TJAP1: variants seen among roughly 807,000 people sequenced by gnomAD.
TJAP1 encodes tight junction associated protein 1.
A neutral mutation model predicts 42.0 loss-of-function variants in TJAP1; 27 were observed. That is an observed-to-expected ratio of 0.64 (90% confidence interval 0.47 to 0.89). The LOEUF is 0.89. Ranked by LOEUF, TJAP1 falls within the 40% of genes least tolerant of loss-of-function variation. The pLI, the probability that TJAP1 is intolerant of heterozygous loss-of-function variation, is 0.00. For synonymous variants in TJAP1, 257 were observed against 288.4 expected (o/e 0.89, Z 1.10); for missense variants, 712 against 726.9 (o/e 0.98, Z 0.24).
At chr6:43,487,208 T>C (rs1177362768) in intron 2 of TJAP1, among the ~76,000 whole-genome samples, 1 of 152,176 alleles carries the variant, frequency 6.6e-6, no homozygotes, top group African/African-American at 2.4e-5. Flanking sequence ...GCTTCTGTGC[T>C]GTGGTGGGGA....
At chr6:43,500,872 A>G in intron 5 of TJAP1, 100 bp downstream of exon 5, 2 of 1,438,692 alleles carry the variant, frequency 1.4e-6, no homozygotes, top group South Asian at 2.3e-5. Flanking sequence ...TGGATTAGGT[A>G]GAAATAAAGG....
rs1478004786 is a variant in TJAP1 at position 43,502,416 on chromosome 6, C to T, written c.357+67C>T. 5.1e-6 allele frequency: 8 copies of T among 1,570,184 alleles called. No individual in the cohort carries two copies. The Admixed American group carries it at 1.4e-4, about 28-fold the overall frequency. ...TAGCATAGCAGGGGGCCAGGATTTGCCAGGGGAATGCCACTCTGCCCTGGG... is the reference window on the plus strand; with the variant it reads ...TAGCATAGCAGGGGGCCAGGATTTGTCAGGGGAATGCCACTCTGCCCTGGG... On this transcript the variant is annotated intron_variant, in intron 7 of 10. Coordinates refer to ENST00000372449, the Ensembl canonical transcript of TJAP1.
Position 43,499,102 on chromosome 6 carries a change from TCAG to T in TJAP1, c.99+5_99+7del. The T allele has an allele frequency of 1.2e-6, 2 of 1,612,058 alleles. No individual in the cohort carries two copies. The highest frequency in any genetic ancestry group is 1.7e-6 in the Non-Finnish European group (2 of 1,179,598). On this transcript the variant is annotated splice_donor_5th_base_variant and intron_variant, in intron 4 of 10. Transcript: ENST00000372449. ...CCTGGATCCCGGCTTGAGCAGGAGG[TCAG>T]CAAGACTGGTATCACAGCCTGACCG...
chr6:43,502,538 C>G (rs1004110687), intron 7 of TJAP1, 50 bp from the exon 8 acceptor site: 2 of 1,549,728 alleles, frequency 1.3e-6, no homozygotes, highest in South Asian at 1.2e-5. Flanking sequence ...TCTCTTCTTT[C>G]CTCGTCTCCC....
chr6:43,477,908 A>AT (rs1784545791), intron 1 of TJAP1, among the ~76,000 whole-genome samples, 179 bp from the exon 2 acceptor site: 2 of 151,988 alleles, frequency 1.3e-5, no homozygotes, highest in African/African-American at 4.8e-5. Context: ...TTGGAGGAAA[A>AT]TTTCTTAGCC....
At chr6:43,501,624 G>A in exon 6 of TJAP1, 1 of 1,608,854 alleles carries the variant, frequency 6.2e-7, no homozygotes, top group African/African-American at 1.3e-5. Flanking sequence ...GGGCAGGACT[G>A]CCTGGAGCTG....
chr6:43,481,664 T>C (rs1333038315), intron 2 of TJAP1, among the ~76,000 whole-genome samples: 1 of 151,836 alleles, frequency 6.6e-6, no homozygotes, highest in Admixed American at 6.6e-5. Flanking sequence ...AATGTGCTGC[T>C]GAAGCCTATG....
At chr6:43,494,648 CTTT>C (rs775378416) in intron 2 of TJAP1, among the ~76,000 whole-genome samples, 1 of 114,390 alleles carries the variant, frequency 8.7e-6, no homozygotes, top group Non-Finnish European at 1.7e-5. Flanking sequence ...TGTTGATTTC[CTTT>C]TTTTTTTTTT....
rs563635573 is a variant in TJAP1 at position 43,502,047 on chromosome 6, G to GACACAC, written c.291-211_291-206dup. ...AGTTCTGCAGGTGTGGGAATGCGGG[G>GACACAC]ACACACACACACACACACACACACA... On this transcript the variant is annotated intron_variant, in intron 6 of 10. Coordinates refer to ENST00000372449, the Ensembl canonical transcript of TJAP1. 9.6e-3 allele frequency among the ~76,000 whole-genome samples: 213 copies of GACACAC among 22,250 alleles called. 14 individuals are homozygous for GACACAC. Among genetic ancestry groups the GACACAC allele is most frequent in the Non-Finnish European group, 0.012 (151 of 12,334 alleles). 14.6% of individuals were successfully genotyped at this position (22,250 alleles called of 152,430 possible).
chr6:43,491,359 C>T lies in TJAP1; in HGVS notation c.-121-6522C>T, dbSNP rs899442540. On this transcript the variant is annotated intron_variant, in intron 2 of 10. Coordinates refer to ENST00000372449, the Ensembl canonical transcript of TJAP1. This position sits in a 1 kb window ranked among gnomAD's most constrained non-coding sequence, Gnocchi z 4.6. ...AGGCTGGAGTGCAATGGCACGATCT[C>T]GGCTTTCTGCAACCTCCGCCTCCCA... 1.1e-4 allele frequency among the ~76,000 whole-genome samples: 17 copies of T among 152,108 alleles called. No individual in the cohort carries two copies. Among genetic ancestry groups the T allele is most frequent in the East Asian group, 1.9e-4 (1 of 5,202 alleles).
exon 9 of TJAP1, chr6:43,503,434 G>A: frequency 3.1e-6 from 5 of 1,614,102 alleles, no homozygotes; most frequent in Non-Finnish European, 4.2e-6. Flanking sequence ...GAAGACGCTG[G>A]ACTGGGAGAT....
rs1216922937 is a variant in TJAP1 at position 43,505,029 on chromosome 6, C to T, written c.848C>T (p.Pro283Leu). The T allele has an allele frequency of 1.9e-6, 3 of 1,614,080 alleles. No homozygotes were observed. Among genetic ancestry groups the T allele is most frequent in the Non-Finnish European group, 2.5e-6 (3 of 1,180,028 alleles). The change falls in exon 11 of 11, where the codon CCC (proline) becomes CTC (leucine). Residue 283 changes from proline (P) to leucine (L), a missense_variant. This residue lies in a region of TJAP1 where 549 missense variants were observed against 528.2 expected (regional missense o/e 1.04). Transcript: ENST00000372449. The surrounding 1 kb of genome is among the most constrained non-coding windows in gnomAD (Gnocchi z 5.5). ...GCCAGTCCCCCGGCCCCTGGCAGCC[C>T]CACCCCACAACCCAATGGGGAGTGC...
At chr6:43,506,495 C>CT (rs2127676521) in exon 11 of TJAP1, 1 of 152,858 alleles carries the variant, frequency 6.5e-6, no homozygotes, top group African/African-American at 2.4e-5. Context: ...TACTCTTAAG[C>CT]TTTGAGAAAT....
intron 3 of TJAP1, 180 bp from the exon 4 acceptor site, chr6:43,498,798 T>C (rs995453883): frequency 3.6e-6 from 2 of 556,728 alleles, no homozygotes; most frequent in African/African-American, 3.8e-5. Flanking sequence ...CAGCACTCCT[T>C]TGACCTATGG....
chr6:43,502,076 ACTCTCTCT>A (rs529451483), intron 6 of TJAP1, among the ~76,000 whole-genome samples, 199 bp from the exon 7 acceptor site: 1,103 of 68,928 alleles, frequency 0.016, 23 homozygotes, highest in Non-Finnish European at 0.02. Flanking sequence ...ACACACACAC[ACTCTCTCT>A]CTCTCTCTCT....
At position 43,505,221 on chromosome 6, in the gene TJAP1, T is replaced by C. The variant is rs969176201; in HGVS notation, c.1040T>C (p.Leu347Pro). 4.3e-6 allele frequency: 7 copies of C among 1,614,062 alleles called. No homozygotes were observed. Among genetic ancestry groups the C allele is most frequent in the Admixed American group, 1.7e-5 (1 of 60,016 alleles). ...GTTCGGATCCCCCGCAACAGCCCCC[T>C]GCCCAACTGCACTTACGCTACCCGC... Residue 347 changes from leucine (L) to proline (P), a missense_variant, in exon 11 of 11, where the codon CTG becomes CCG. Physicochemically the swap from Leu to Pro is moderately conservative, Grantham distance 98. This residue lies in a region of TJAP1 where 549 missense variants were observed against 528.2 expected (regional missense o/e 1.04). Coordinates refer to ENST00000372449, the Ensembl canonical transcript of TJAP1. This position sits in a 1 kb window ranked among gnomAD's most constrained non-coding sequence, Gnocchi z 5.5.
intron 7 of TJAP1, 78 bp downstream of exon 7, chr6:43,502,427 C>G: frequency 6.5e-7 from 1 of 1,540,124 alleles, no homozygotes; most frequent in Non-Finnish European, 8.9e-7. Flanking sequence ...CAGGGGAATG[C>G]CACTCTGCCC....
chr6:43,491,755 C>T lies in TJAP1; in HGVS notation c.-121-6126C>T. 6.6e-6 allele frequency among the ~76,000 whole-genome samples: 1 copy of T among 151,980 alleles called. No homozygotes were observed. Among genetic ancestry groups the T allele is most frequent in the East Asian group, 1.9e-4 (1 of 5,188 alleles). On this transcript the variant is annotated intron_variant, in intron 2 of 10. Transcript: ENST00000372449. The surrounding 1 kb of genome is among the most constrained non-coding windows in gnomAD (Gnocchi z 4.6). ...TAGTTGATTAAGGAATAAACAATAC[C>T]TATTTATATGCATGTGGATTGAGCT...
chr6:43,486,354 C>CTTT (rs1160469279), intron 2 of TJAP1, among the ~76,000 whole-genome samples: 4 of 110,760 alleles, frequency 3.6e-5, no homozygotes, highest in East Asian at 2.7e-4. Flanking sequence ...TTTCCAGTAG[C>CTTT]TTTTTTTTTT....
Sources: gnomAD v4.1 joint callset for allele counts (sites outside exome capture counted in the v4.1 genomes callset) on GRCh38, gnomAD v4.1.1 for gene constraint, gnomAD v4.1.1 regional missense constraint, Gnocchi (gnomAD v3.1) non-coding constraint, MANE v1.5 for transcripts, NCBI Gene and HGNC (gene_info 2026-07-23, HGNC 2026-07-21) for gene names.